SUGCT: variants seen among roughly 807,000 people sequenced by gnomAD.
The protein encoded by SUGCT is succinyl-CoA:glutarate-CoA transferase, also known as succinyl-CoA:glutarate CoA-transferase.
SUGCT carries 41 observed loss-of-function variants against 55.0 expected under a neutral mutation model. The ratio of observed to expected loss-of-function variants is 0.74; its 90% CI spans 0.58 to 0.97. The LOEUF (loss-of-function observed/expected upper bound fraction) is 0.97, where lower values mean the gene tolerates loss of function less well. Ranked by LOEUF, SUGCT falls within the 50% of genes least tolerant of loss-of-function variation. The pLI, the probability that SUGCT is intolerant of heterozygous loss-of-function variation, is 0.00. For synonymous variants in SUGCT, 187 were observed against 200.4 expected (o/e 0.93, Z 0.56); for missense variants, 568 against 547.8 (o/e 1.04, Z -0.37).
intron 12 of SUGCT, among the ~76,000 whole-genome samples, chr7:40,586,094 A>G (rs976537126): frequency 6.6e-6 from 1 of 152,184 alleles, no homozygotes; most frequent in Non-Finnish European, 1.5e-5. Flanking sequence ...AAGATCCCCT[A>G]AAAGATGCTG....
intron 12 of SUGCT, among the ~76,000 whole-genome samples, chr7:40,723,700 GA>G (rs1483246352): frequency 6.6e-6 from 1 of 151,962 alleles, no homozygotes; most frequent in Non-Finnish European, 1.5e-5. Flanking sequence ...ACTTTTTGGT[GA>G]AAAAAACAAA....
At chr7:40,231,727 G>A (rs968274148) in intron 6 of SUGCT, among the ~76,000 whole-genome samples, 3 of 152,184 alleles carry the variant, frequency 2.0e-5, no homozygotes, top group African/African-American at 4.8e-5. Flanking sequence ...GATAAAGAGT[G>A]GAGGTTTATT....
chr7:41,018,720 T>C, the SUGCT span, among the ~76,000 whole-genome samples: 5 of 152,234 alleles, frequency 3.3e-5, no homozygotes, highest in African/African-American at 1.2e-4. Context: ...CTATGGAGGA[T>C]AGAAATGCAG....
rs1788041816 is a variant in SUGCT, at chr7:40,752,086, C to CTT, written c.1153+2589_1153+2590insTT. ...GCTCTTAATGGTTTTCAAACATAAGCATTTGTTTATCCCATGCATGTGGAT... is the reference window on the plus strand; with the variant it reads ...GCTCTTAATGGTTTTCAAACATAAGCTTATTTGTTTATCCCATGCATGTGGAT... On this transcript the variant is annotated intron_variant, in intron 13 of 13. Transcript: ENST00000335693. Among the ~76,000 whole-genome samples the CTT allele has an allele frequency of 2.6e-5, 4 of 152,288 alleles. 1 individual carries two copies. The highest frequency in any genetic ancestry group is 2.6e-4 in the Admixed American group (4 of 15,300).
Position 40,308,007 on chromosome 7 carries a change from G to A in SUGCT, c.721-8753G>A, listed in dbSNP as rs550685432. On this transcript the variant is annotated intron_variant, in intron 8 of 13. Coordinates refer to ENST00000335693, the MANE Select transcript of SUGCT (RefSeq NM_001193313.2). ...TGCTAGCCCCTTCATTTCTCTTTTA[G>A]CATTTTGTCCCCATAAGATATTTTG... 1.2e-4 allele frequency among the ~76,000 whole-genome samples: 19 copies of A among 152,254 alleles called. 1 individual carries two copies. Among genetic ancestry groups the A allele is most frequent in the African/African-American group, 4.6e-4 (19 of 41,568 alleles).
intron 13 of SUGCT, among the ~76,000 whole-genome samples, chr7:40,788,993 C>T (rs1424946028): frequency 6.6e-6 from 1 of 152,146 alleles, no homozygotes; most frequent in Admixed American, 6.5e-5. Flanking sequence ...TTCAAGTGAG[C>T]CAGGAGACAG....
At chr7:40,346,158 T>C (rs944008877) in intron 9 of SUGCT, among the ~76,000 whole-genome samples, 5 of 152,070 alleles carry the variant, frequency 3.3e-5, no homozygotes, top group Non-Finnish European at 7.4e-5. Context: ...TGTTAAACTG[T>C]ATAGGCCTAG....
chr7:40,263,674 A>G (rs904712836), intron 7 of SUGCT, among the ~76,000 whole-genome samples: 7 of 152,224 alleles, frequency 4.6e-5, no homozygotes, highest in Non-Finnish European at 1.5e-5. Context: ...TTGGAAGGGC[A>G]GAACATTTTA....
intron 13 of SUGCT, among the ~76,000 whole-genome samples, chr7:40,772,546 C>CTA (rs1562994135): frequency 2.0e-5 from 3 of 148,174 alleles, no homozygotes; most frequent in Non-Finnish European, 4.5e-5. Flanking sequence ...ATCTATCTAT[C>CTA]TATCTATCTA....
chr7:40,319,564 T>C (rs1029160450), intron 9 of SUGCT, among the ~76,000 whole-genome samples: 1 of 152,208 alleles, frequency 6.6e-6, no homozygotes, highest in African/African-American at 2.4e-5. Flanking sequence ...TGTTGAACCC[T>C]ATCTGAAAGA....
the SUGCT span, among the ~76,000 whole-genome samples, chr7:40,902,995 T>C: frequency 6.6e-6 from 1 of 152,042 alleles, no homozygotes. Context: ...ATCTCCTGAC[T>C]CCAAATCAAA....
intron 6 of SUGCT, among the ~76,000 whole-genome samples, chr7:40,222,652 G>C (rs2150830398): frequency 6.6e-6 from 1 of 152,268 alleles, no homozygotes; most frequent in Admixed American, 6.5e-5. Context: ...GACCAGCCTG[G>C]CTAACATGGC....
intron 7 of SUGCT, among the ~76,000 whole-genome samples, chr7:40,260,345 C>T (rs751261402): frequency 2.6e-5 from 4 of 152,088 alleles, no homozygotes; most frequent in East Asian, 3.9e-4. Flanking sequence ...ACATAGACCC[C>T]CCATAGAGTT....
intron 12 of SUGCT, among the ~76,000 whole-genome samples, chr7:40,558,841 C>T (rs1339530175): frequency 6.6e-6 from 1 of 152,132 alleles, no homozygotes; most frequent in African/African-American, 2.4e-5. Context: ...CTTGCTCTGC[C>T]TCTGGGACCT....
chr7:40,333,668 A>AATATATATATATATATAT (rs550516908), intron 9 of SUGCT, among the ~76,000 whole-genome samples: 7 of 34,306 alleles, frequency 2.0e-4, no homozygotes, highest in Non-Finnish European at 2.8e-4. Flanking sequence ...AAAAAAAAAA[A>AATATATATATATATATAT]ATATATATAT....
chr7:40,151,196 C>T (rs749776749), intron 1 of SUGCT, among the ~76,000 whole-genome samples: 5 of 152,150 alleles, frequency 3.3e-5, no homozygotes, highest in South Asian at 2.1e-4. Context: ...GCCGAGATTG[C>T]GCCACTGCAT....
At chr7:40,598,659 G>A (rs984428902) in intron 12 of SUGCT, among the ~76,000 whole-genome samples, 2 of 152,168 alleles carry the variant, frequency 1.3e-5, no homozygotes, top group Non-Finnish European at 2.9e-5. Flanking sequence ...ATCTGTTAAC[G>A]GGACAAACAT....
chr7:40,519,714 T>C (rs1793426010), intron 12 of SUGCT, among the ~76,000 whole-genome samples: 1 of 152,080 alleles, frequency 6.6e-6, no homozygotes, highest in Non-Finnish European at 1.5e-5. Flanking sequence ...GCTGTTGATA[T>C]ATTTTATTAG....
intron 9 of SUGCT, among the ~76,000 whole-genome samples, chr7:40,377,981 T>C (rs1225022379): frequency 6.6e-6 from 1 of 152,218 alleles, no homozygotes; most frequent in African/African-American, 2.4e-5. Flanking sequence ...TGGTCTGTTG[T>C]ATGTAATGAA....
Sources: allele counts gnomAD v4.1 joint callset (sites outside exome capture counted in the v4.1 genomes callset), GRCh38; gene constraint gnomAD v4.1.1; transcripts MANE v1.5; gene names NCBI Gene and HGNC (gene_info 2026-07-23, HGNC 2026-07-21).